The following LAMP2 variants were observed in gnomAD, a reference collection of about 807,000 sequenced individuals.
LAMP2 encodes lysosome associated membrane protein 2.
LAMP2 carries 4 observed loss-of-function variants against 25.6 expected under a neutral mutation model. The observed-to-expected ratio is 0.16, with a 90% CI of 0.08 to 0.36. The LOEUF is 0.36. Ranked by LOEUF, LAMP2 falls within the 10% of genes least tolerant of loss-of-function variation. The pLI is 1.00. For synonymous variants in LAMP2, 108 were observed against 112.7 expected (o/e 0.96, Z 0.27); for missense variants, 272 against 301.4 (o/e 0.90, Z 0.72).
At chrX:120,439,152 T>C in intron 8 of LAMP2, 1 of 1,210,799 alleles carries the variant, frequency 8.3e-7, no homozygotes, top group Non-Finnish European at 1.1e-6. Flanking sequence ...TATTGATTAG[T>C]GTTACAGAGT....
chrX:120,468,016 G>A (rs941928066), intron 1 of LAMP2, among the ~76,000 whole-genome samples: 2 of 111,285 alleles, frequency 1.8e-5, no homozygotes, highest in African/African-American at 6.6e-5. Context: ...ACCCACCTCG[G>A]CCTCCCAAAG....
chrX:120,467,314 G>C (rs1015070850), intron 1 of LAMP2, among the ~76,000 whole-genome samples: 2 of 111,607 alleles, frequency 1.8e-5, no homozygotes, highest in East Asian at 5.6e-4. Context: ...ATGATTCTTT[G>C]TTGTCAGGGG....
At chrX:120,461,364 TA>T (rs1921308761) in intron 1 of LAMP2, among the ~76,000 whole-genome samples, 1 of 112,132 alleles carries the variant, frequency 8.9e-6, no homozygotes, top group African/African-American at 3.2e-5. Context: ...AGTTATTTTA[TA>T]GCAGTAAATC....
chrX:120,447,731 A>C, intron 5 of LAMP2, 110 bp downstream of exon 5: 1 of 743,111 alleles, frequency 1.3e-6, no homozygotes, highest in Non-Finnish European at 2.0e-6. Context: ...CAAACAAACA[A>C]AAAGAAAACG....
At chrX:120,442,797 C>T (rs770235956) in intron 6 of LAMP2, 135 bp from the exon 7 acceptor site, 7 of 532,738 alleles carry the variant, frequency 1.3e-5, no homozygotes, top group Non-Finnish European at 2.3e-5. Context: ...GAATAAACTG[C>T]AACTAAGTAA....
intron 4 of LAMP2, among the ~76,000 whole-genome samples, chrX:120,448,649 CTTT>C: frequency 8.9e-6 from 1 of 112,282 alleles, no homozygotes; most frequent in East Asian, 2.8e-4. Flanking sequence ...GATTTCTAAG[CTTT>C]GGTCTTGGAA....
At chrX:120,437,149 G>T (rs2058548351) in intron 8 of LAMP2, 1 of 745,999 alleles carries the variant, frequency 1.3e-6, no homozygotes, top group African/African-American at 2.3e-5. Flanking sequence ...TCTAAGAGAG[G>T]GGTTAGTCAG....
chrX:120,439,069 A>T (rs761239620), intron 8 of LAMP2: 14 of 1,199,812 alleles, frequency 1.2e-5, no homozygotes, highest in Non-Finnish European at 1.4e-5. Context: ...ACTGCAACTA[A>T]ATATACCTTA....
chrX:120,442,576 C>T, intron 7 of LAMP2, 23 bp downstream of exon 7: 1 of 1,168,032 alleles, frequency 8.6e-7, no homozygotes, highest in Non-Finnish European at 1.2e-6. Context: ...CAGTCTTTTT[C>T]CCCAGGCCAG....
chrX:120,440,015 G>C (rs909124450), intron 8 of LAMP2, among the ~76,000 whole-genome samples: 1 of 111,560 alleles, frequency 9.0e-6, no homozygotes, highest in African/African-American at 3.3e-5. Context: ...AAAATATTTT[G>C]TGACACATGA....
intron 5 of LAMP2, 144 bp downstream of exon 5, chrX:120,447,697 G>A (rs754821291): frequency 2.5e-5 from 13 of 527,874 alleles, no homozygotes; most frequent in South Asian, 8.7e-5. Flanking sequence ...GGGACAGAGC[G>A]TGACTCCATC....
rs778550820 is a variant in LAMP2 at position 120,456,045 on chromosome X, T to C, written c.184-475A>G. ...CCAACCTAAGTAAGCGATTTTTTTT[T>C]TTTTTGAGATAGAGTCTCGCTCTGT... On this transcript the variant is annotated intron_variant, in intron 2 of 8. Coordinates refer to ENST00000200639, the MANE Select transcript of LAMP2 (RefSeq NM_002294.3). Among the ~76,000 whole-genome samples the C allele has an allele frequency of 2.9e-5, 3 of 104,004 alleles. No homozygotes were observed. The South Asian group carries it at 1.4e-3, about 50-fold the overall frequency. The allele number at this position is 104,004 out of a possible 115,157, so 90.3% of individuals were successfully genotyped here. A position where few individuals can be genotyped will look rare whatever the true frequency, so the allele number is the denominator to read the frequency against.
rs747363310 is a variant in LAMP2 at position 120,456,749 on chromosome X, A to G, written c.85T>C (p.Leu29=). The change falls in exon 2 of 9, where the codon TTG becomes CTG. Residue 29 remains leucine (L), a synonymous_variant. Transcript: ENST00000200639. ...LVLGAVRSYA[L]ELNLTDSENA... ...TCTGAATCTGTCAAATTAAGTTCCA[A>G]TGCATAAGACCGCACAGCTCCTGGA... 11 of 1,154,838 alleles carry G rather than the reference A, an allele frequency of 9.5e-6. No individual in the cohort carries two copies. The highest frequency in any genetic ancestry group is 1.2e-5 in the Non-Finnish European group (10 of 848,040).
At chrX:120,446,558 T>C in intron 5 of LAMP2, 131 bp from the exon 6 acceptor site, 3 of 682,992 alleles carry the variant, frequency 4.4e-6, no homozygotes, top group Non-Finnish European at 4.6e-6. Flanking sequence ...TTAAAATTCA[T>C]GGTGTCTTCA....
rs759105844 is a variant in LAMP2 at position 120,430,282 on chromosome X, G to A, written c.*1041C>T. The A allele has an allele frequency of 4.0e-6, 3 of 753,158 alleles. No individual in the cohort carries two copies. The South Asian group carries it at 2.0e-4, about 51-fold the overall frequency. The allele number at this position is 753,158 out of a possible 1,213,427, so 62.1% of individuals were successfully genotyped here. A position where few individuals can be genotyped will look rare whatever the true frequency, so the allele number is the denominator to read the frequency against. On this transcript the variant is annotated 3_prime_UTR_variant, in exon 9 of 9. Coordinates refer to ENST00000200639, the MANE Select transcript of LAMP2 (RefSeq NM_002294.3). ...TATCTAGCTCATTTTAATGCCAACA[G>A]CTTCTCTTTACACCCCCATCTATGC...
In LAMP2 at chrX:120,426,950, G is replaced by T. The variant is rs943576324; in HGVS notation, c.*4373C>A. ...CAGTTTTTGAGATGTACATGTTTTT[G>T]AGATGTACATATAGAGAAGGCAGTA... On this transcript the variant is annotated 3_prime_UTR_variant, in exon 9 of 9. Coordinates refer to ENST00000200639, the MANE Select transcript of LAMP2 (RefSeq NM_002294.3). Among the ~76,000 whole-genome samples the T allele has an allele frequency of 8.9e-6, 1 of 111,938 alleles. No homozygotes were observed. The highest frequency in any genetic ancestry group is 3.2e-5 in the African/African-American group (1 of 30,776).
At chrX:120,447,734 A>T (rs1327984981) in intron 5 of LAMP2, 107 bp downstream of exon 5, 3 of 744,470 alleles carry the variant, frequency 4.0e-6, no homozygotes, top group Non-Finnish European at 6.1e-6. Context: ...ACAAACAAAA[A>T]GAAAACGGAA....
intron 8 of LAMP2, chrX:120,436,877 T>C: frequency 5.4e-6 from 4 of 735,317 alleles, no homozygotes; most frequent in Non-Finnish European, 6.4e-6. Flanking sequence ...ATCAGGCATA[T>C]AATCTGAATG....
At chrX:120,459,463 A>T (rs1420416292) in intron 1 of LAMP2, among the ~76,000 whole-genome samples, 5 of 112,297 alleles carry the variant, frequency 4.5e-5, no homozygotes, top group African/African-American at 1.6e-4. Flanking sequence ...AGGGAGGGAG[A>T]CAGGTGTGGA....
Sources: allele counts gnomAD v4.1 joint callset (sites outside exome capture counted in the v4.1 genomes callset), GRCh38; gene constraint gnomAD v4.1.1; transcripts MANE v1.5; gene names NCBI Gene and HGNC (gene_info 2026-07-23, HGNC 2026-07-21).